The following MMP26 variants were observed in gnomAD, a reference collection of about 807,000 sequenced individuals.
The protein encoded by MMP26 is matrix metallopeptidase 26.
Under a neutral mutation model 31.0 loss-of-function variants are expected in MMP26, and 33 were observed. The ratio of observed to expected loss-of-function variants is 1.06; its 90% CI spans 0.81 to 1.42. MMP26 has a LOEUF of 1.42. Ranked by LOEUF, MMP26 falls within the 40% of genes most tolerant of loss-of-function variation. The probability of loss-of-function intolerance (pLI) is 0.00; values close to 1 mark genes in which losing one functional copy is unlikely to be tolerated. For missense variants in MMP26, 347 were observed against 316.1 expected (o/e 1.10, Z -0.74); for synonymous variants, 122 against 114.9 (o/e 1.06, Z -0.40).
chr11:4,843,458 T>C (rs1301801476), intron 2 of MMP26, among the ~76,000 whole-genome samples: 1 of 152,244 alleles, frequency 6.6e-6, no homozygotes, highest in Non-Finnish European at 1.5e-5. Flanking sequence ...TGGAAGCTGC[T>C]ATGGCTTGGG....
At chr11:4,981,223 T>C (rs1307818900) in intron 2 of MMP26, among the ~76,000 whole-genome samples, 1 of 152,076 alleles carries the variant, frequency 6.6e-6, no homozygotes, top group Non-Finnish European at 1.5e-5. Context: ...TTATAAAACA[T>C]ATAGGTGTGT....
At chr11:4,914,939 G>T in intron 2 of MMP26, 1 of 1,614,108 alleles carries the variant, frequency 6.2e-7, no homozygotes, top group Non-Finnish European at 8.5e-7. Context: ...GGTGTTAAGG[G>T]CCTTGAATCT....
intron 1 of MMP26, chr11:4,710,268 GA>G: frequency 2.2e-6 from 1 of 456,720 alleles, no homozygotes; most frequent in South Asian, 1.5e-5. Flanking sequence ...TGCCTCCCCA[GA>G]GGAGCAGAAA....
chr11:4,956,710 C>A (rs1023666186), intron 2 of MMP26, among the ~76,000 whole-genome samples: 1 of 152,146 alleles, frequency 6.6e-6, no homozygotes, highest in Non-Finnish European at 1.5e-5. Context: ...CATTAGACAT[C>A]GCTAACTAAA....
At chr11:4,912,627 T>A (rs539434925) in intron 2 of MMP26, 1 of 152,052 alleles carries the variant, frequency 6.6e-6, no homozygotes, top group Non-Finnish European at 1.5e-5. Context: ...CATATACACA[T>A]TGTAAAAATA....
chr11:4,728,212 G>A (rs1055319197), intron 1 of MMP26, among the ~76,000 whole-genome samples: 1 of 152,126 alleles, frequency 6.6e-6, no homozygotes, highest in Non-Finnish European at 1.5e-5. Context: ...TTTAACATAG[G>A]GAAATGGTTC....
rs186513334 is a variant in MMP26 at position 4,900,487 on chromosome 11, T to C, written c.-144-87581T>C. On this transcript the variant is annotated intron_variant, in intron 2 of 7. Transcript: ENST00000380390. ...AGAAAGAGAAGTTTTATCAGCCTTG[T>C]TGAGTGGGAAACTATGCTTTGTGTT... Among the ~76,000 whole-genome samples, 301 of 152,346 alleles carry C rather than the reference T, an allele frequency of 2.0e-3. 2 individuals carry two copies. The highest frequency in any genetic ancestry group is 3.4e-3 in the Middle Eastern group (1 of 294).
rs543222594 is a variant in MMP26 at position 4,855,544 on chromosome 11, C to T, written c.-145+88203C>T. On this transcript the variant is annotated intron_variant, in intron 2 of 7. Transcript: ENST00000380390. ...AGAAAAAAGAGTAAAAAGAAAAGAACAAAGCCTCCAAGAAATATGAGACTA... is the reference window on the plus strand; with the variant it reads ...AGAAAAAAGAGTAAAAAGAAAAGAATAAAGCCTCCAAGAAATATGAGACTA... Among the ~76,000 whole-genome samples, 234 of 152,240 alleles carry T rather than the reference C, an allele frequency of 1.5e-3. 1 individual carries two copies. The highest frequency in any genetic ancestry group is 5.1e-3 in the African/African-American group (213 of 41,552).
chr11:4,907,455 TC>T, intron 2 of MMP26: 1 of 1,613,954 alleles, frequency 6.2e-7, no homozygotes, highest in Non-Finnish European at 8.5e-7. Context: ...TGGTTCTCCA[TC>T]CCCATTTGCC....
chr11:4,871,287 C>T (rs1229212969), intron 2 of MMP26, among the ~76,000 whole-genome samples: 2 of 151,896 alleles, frequency 1.3e-5, no homozygotes, highest in African/African-American at 2.4e-5. Context: ...GATTGTAGAC[C>T]GCAATGTTGA....
At chr11:4,741,583 G>A (rs988878647) in intron 1 of MMP26, among the ~76,000 whole-genome samples, 2 of 151,018 alleles carry the variant, frequency 1.3e-5, no homozygotes, top group African/African-American at 4.9e-5. Flanking sequence ...TCGCTCATAA[G>A]TGGGAGTTGA....
At chr11:4,881,635 G>C (rs1850464040) in intron 2 of MMP26, among the ~76,000 whole-genome samples, 1 of 151,796 alleles carries the variant, frequency 6.6e-6, no homozygotes, top group South Asian at 2.1e-4. Flanking sequence ...TCATTAGCCT[G>C]GCCTCTCTGA....
intron 2 of MMP26, among the ~76,000 whole-genome samples, chr11:4,981,980 T>C (rs1846819917): frequency 6.6e-6 from 1 of 151,958 alleles, no homozygotes; most frequent in Non-Finnish European, 1.5e-5. Flanking sequence ...TCATCTCCTA[T>C]AACAACAATT....
chr11:4,921,548 A>C (rs34123277), intron 2 of MMP26, among the ~76,000 whole-genome samples: 13,507 of 152,274 alleles, frequency 0.089, 801 homozygotes, highest in Non-Finnish European at 0.12. Context: ...ACACATATGC[A>C]TGCATGTGCA....
At chr11:4,816,066 G>T (rs1849415801) in intron 2 of MMP26, among the ~76,000 whole-genome samples, 2 of 152,130 alleles carry the variant, frequency 1.3e-5, no homozygotes, top group South Asian at 4.1e-4. Context: ...TTTGTATATT[G>T]TACTTCCATT....
chr11:4,964,081 G>C (rs1051401656), intron 2 of MMP26, among the ~76,000 whole-genome samples: 1 of 152,082 alleles, frequency 6.6e-6, no homozygotes, highest in Non-Finnish European at 1.5e-5. Context: ...TCTGTTGATA[G>C]TTTCTTTTGC....
rs147471185 is a variant in MMP26 at position 4,768,984 on chromosome 11, T to G, written c.-145+1643T>G. On this transcript the variant is annotated intron_variant, in intron 2 of 7. Transcript: ENST00000380390. The stretch of plus-strand genomic sequence containing the variant: ...TCAAATAAAACTATGTCTGTTCATT[T>G]TGTAAGCAGCAGACTGAGCATAGCC... 1.4e-5 allele frequency: 21 copies of G among 1,497,102 alleles called. No individual in the cohort carries two copies. The East Asian group carries it at 4.6e-4, about 33-fold the overall frequency. 92.7% of individuals were successfully genotyped at this position (1,497,102 alleles called of 1,614,324 possible).
At chr11:4,778,802 C>G (rs1205602150) in intron 2 of MMP26, among the ~76,000 whole-genome samples, 2 of 151,884 alleles carry the variant, frequency 1.3e-5, no homozygotes, top group Non-Finnish European at 2.9e-5. Context: ...CTATCAAAAC[C>G]TTTCACATAT....
chr11:4,971,770 G>A (rs1219355167), intron 2 of MMP26, among the ~76,000 whole-genome samples: 1 of 152,122 alleles, frequency 6.6e-6, no homozygotes, highest in Non-Finnish European at 1.5e-5. Context: ...TCTGGTTCTG[G>A]CGAGATCCTC....
Sources: allele counts gnomAD v4.1 joint callset (sites outside exome capture counted in the v4.1 genomes callset), GRCh38; gene constraint gnomAD v4.1.1; transcripts MANE v1.5; gene names NCBI Gene and HGNC (gene_info 2026-07-23, HGNC 2026-07-21).